SFXN1: variants seen among roughly 807,000 people sequenced by gnomAD.
SFXN1 encodes the protein sideroflexin 1.
In SFXN1, 32 loss-of-function variants were observed where a neutral mutation model predicts 39.5. The observed-to-expected ratio is 0.81, with a 90% CI of 0.61 to 1.09. The LOEUF is 1.09. Among genes scored for constraint, SFXN1 ranks in the 50% least tolerant of loss-of-function variants. The probability of loss-of-function intolerance (pLI) is 0.00; values close to 1 mark genes in which losing one functional copy is unlikely to be tolerated. For synonymous variants in SFXN1, 136 were observed against 146.5 expected (o/e 0.93, Z 0.52); for missense variants, 402 against 407.1 (o/e 0.99, Z 0.11).
chr5:175,516,265 A>C (rs981330634), intron 7 of SFXN1, among the ~76,000 whole-genome samples: 12 of 152,144 alleles, frequency 7.9e-5, no homozygotes, highest in Non-Finnish European at 1.8e-4. Flanking sequence ...GATTCTTTAC[A>C]CCATCCTCCC....
chr5:175,504,003 CAA>C (rs56776430), intron 2 of SFXN1, among the ~76,000 whole-genome samples: 12 of 51,964 alleles, frequency 2.3e-4, no homozygotes, highest in Non-Finnish European at 4.1e-4. Context: ...CACTCCATCT[CAA>C]AAAAAAAAAA....
chr5:175,500,782 G>A (rs968974627), intron 2 of SFXN1, among the ~76,000 whole-genome samples: 2 of 152,188 alleles, frequency 1.3e-5, no homozygotes, highest in Non-Finnish European at 2.9e-5. Context: ...GACACATTTA[G>A]ATCCACGTAA....
intron 1 of SFXN1, among the ~76,000 whole-genome samples, chr5:175,482,294 C>T (rs1759283965): frequency 6.6e-6 from 1 of 152,194 alleles, no homozygotes. Flanking sequence ...AGCTTTCCAG[C>T]TTAATAACGC....
intron 2 of SFXN1, 78 bp from the exon 3 acceptor site, chr5:175,508,954 C>A: frequency 1.4e-6 from 2 of 1,416,770 alleles, no homozygotes; most frequent in Non-Finnish European, 1.9e-6. Context: ...ACTTTTAAAA[C>A]CTTGTAGCCA....
At chr5:175,491,068 A>G (rs1173779478) in intron 1 of SFXN1, among the ~76,000 whole-genome samples, 1 of 152,226 alleles carries the variant, frequency 6.6e-6, no homozygotes, top group Non-Finnish European at 1.5e-5. Flanking sequence ...TTACAACAAT[A>G]CAGGGCAGTT....
At chr5:175,494,012 C>T (rs187600585) in intron 2 of SFXN1, among the ~76,000 whole-genome samples, 2 of 151,634 alleles carry the variant, frequency 1.3e-5, no homozygotes, top group Non-Finnish European at 2.9e-5. Flanking sequence ...AAGAAGGGTA[C>T]GAAAAAGACT....
intron 9 of SFXN1, 36 bp downstream of exon 9, chr5:175,522,004 T>C: frequency 6.5e-7 from 1 of 1,541,518 alleles, no homozygotes; most frequent in Admixed American, 1.7e-5. Flanking sequence ...TTAATTTCTT[T>C]TAAAATATAA....
intron 3 of SFXN1, 42 bp downstream of exon 3, chr5:175,509,244 G>C (rs1188023390): frequency 6.6e-7 from 1 of 1,524,232 alleles, no homozygotes; most frequent in South Asian, 1.3e-5. Flanking sequence ...TACCATTACA[G>C]AAGCTCAAAG....
At chr5:175,484,391 G>C (rs1197960432) in intron 1 of SFXN1, among the ~76,000 whole-genome samples, 1 of 152,124 alleles carries the variant, frequency 6.6e-6, no homozygotes, top group Non-Finnish European at 1.5e-5. Flanking sequence ...GATGGTGCCC[G>C]CAGCAGTCCC....
chr5:175,492,345 A>T (rs2113281174), intron 2 of SFXN1, 78 bp downstream of exon 2: 2 of 1,246,766 alleles, frequency 1.6e-6, no homozygotes, highest in African/African-American at 1.6e-5. Context: ...ACCTTCACTT[A>T]GTGATTTTAC....
intron 2 of SFXN1, among the ~76,000 whole-genome samples, chr5:175,494,378 G>C (rs1759778645): frequency 6.6e-6 from 1 of 152,198 alleles, no homozygotes; most frequent in Admixed American, 6.5e-5. Context: ...AGCGATGTGT[G>C]CCAAGTTCTC....
At chr5:175,502,779 T>G (rs1760133277) in intron 2 of SFXN1, among the ~76,000 whole-genome samples, 1 of 152,082 alleles carries the variant, frequency 6.6e-6, no homozygotes, top group Non-Finnish European at 1.5e-5. Flanking sequence ...AAGCAAAGGT[T>G]GCGATGAGCC....
Position 175,498,838 on chromosome 5 carries a change from G to C in SFXN1, c.164+6571G>C, listed in dbSNP as rs115738329. Among the ~76,000 whole-genome samples the C allele has an allele frequency of 8.3e-3, 1,261 of 152,266 alleles. 9 individuals are homozygous for C. The highest frequency in any genetic ancestry group is 0.014 in the Admixed American group (214 of 15,282). On this transcript the variant is annotated intron_variant, in intron 2 of 10. Transcript: ENST00000321442. ...GGCAGGGAAAGAGGGGAAAAGGAAT[G>C]AGGAGGAGATGAGACAAACAGAAAA... is the stretch of plus-strand genomic sequence containing the variant.
chr5:175,520,785 G>A (rs1315647322), intron 8 of SFXN1, among the ~76,000 whole-genome samples: 1 of 152,108 alleles, frequency 6.6e-6, no homozygotes, highest in Non-Finnish European at 1.5e-5. Context: ...GGAAGCGCTG[G>A]GGAGTATTTA....
At chr5:175,493,665 T>A (rs1759746851) in intron 2 of SFXN1, among the ~76,000 whole-genome samples, 2 of 152,124 alleles carry the variant, frequency 1.3e-5, no homozygotes, top group African/African-American at 4.8e-5. Context: ...ATAAGGAAGA[T>A]TGCCAAGAAC....
At chr5:175,496,506 C>T (rs1046688937) in intron 2 of SFXN1, among the ~76,000 whole-genome samples, 1 of 152,076 alleles carries the variant, frequency 6.6e-6, no homozygotes, top group Non-Finnish European at 1.5e-5. Context: ...TGATTTTGCT[C>T]CTTACTATAT....
chr5:175,480,853 G>T (rs1036746126), intron 1 of SFXN1, among the ~76,000 whole-genome samples: 5 of 152,204 alleles, frequency 3.3e-5, no homozygotes, highest in Non-Finnish European at 5.9e-5. Context: ...AACCATGAGT[G>T]TGACCAATTT....
At chr5:175,507,176 G>A (rs1388669484) in intron 2 of SFXN1, among the ~76,000 whole-genome samples, 1 of 151,820 alleles carries the variant, frequency 6.6e-6, no homozygotes, top group Non-Finnish European at 1.5e-5. Context: ...TCATTACTTG[G>A]CCTTCTTCTG....
chr5:175,518,738 C>A (rs528645851), intron 8 of SFXN1, among the ~76,000 whole-genome samples: 1 of 152,178 alleles, frequency 6.6e-6, no homozygotes, highest in African/African-American at 2.4e-5. Flanking sequence ...TTGACTATAC[C>A]ATATATAAAA....
Sources: allele counts gnomAD v4.1 joint callset (sites outside exome capture counted in the v4.1 genomes callset), GRCh38; gene constraint gnomAD v4.1.1; transcripts MANE v1.5; gene names NCBI Gene and HGNC (gene_info 2026-07-23, HGNC 2026-07-21).